EFHC2: variants seen among roughly 807,000 people sequenced by gnomAD.
The protein encoded by EFHC2 is EF-hand domain containing 2, also known as EF-hand domain-containing family member C2.
Under a neutral mutation model 52.7 loss-of-function variants are expected in EFHC2, and 18 were observed. The observed-to-expected ratio is 0.34, with a 90% CI of 0.24 to 0.51. EFHC2 has a LOEUF of 0.51. Among genes scored for constraint, EFHC2 ranks in the 20% least tolerant of loss-of-function variants. EFHC2 has a pLI of 0.97. For synonymous variants in EFHC2, 203 were observed against 204.1 expected, an observed-to-expected ratio of 0.99 and a Z score of 0.04; for missense variants, 513 against 562.5, an observed-to-expected ratio of 0.91 and a Z score of 0.89.
intron 8 of EFHC2, among the ~76,000 whole-genome samples, chrX:44,239,923 T>C (rs1226631992): frequency 8.1e-5 from 9 of 111,599 alleles, no homozygotes; most frequent in Admixed American, 6.6e-4. Flanking sequence ...TCTACCCAGA[T>C]AATAAAGAAG....
intron 2 of EFHC2, among the ~76,000 whole-genome samples, chrX:44,280,030 TACACACAC>T (rs766337222): frequency 7.5e-5 from 5 of 66,834 alleles, no homozygotes; most frequent in Non-Finnish European, 1.1e-4. Context: ...CCATCCCCCA[TACACACAC>T]ACACACACAC....
chrX:44,227,905 A>T lies in EFHC2; in HGVS notation c.1751+1744T>A, dbSNP rs758592463. ...CAGGCAGAGGGAACTTGGTGTGCAT[A>T]GGCTCAGAGACAGGAAAGAGCTTGA... On this transcript the variant is annotated intron_variant, in intron 11 of 14. Transcript: ENST00000420999. Among the ~76,000 whole-genome samples the T allele has an allele frequency of 4.5e-5, 5 of 111,498 alleles. No homozygotes were observed. In the South Asian group the frequency reaches 1.9e-3, roughly 42 times the overall value.
chrX:44,250,280 C>T lies in EFHC2; in HGVS notation c.772G>A (p.Asp258Asn). 2 of 1,210,923 alleles carry T rather than the reference C, an allele frequency of 1.7e-6. No individual in the cohort carries two copies. Among genetic ancestry groups the T allele is most frequent in the South Asian group, 1.8e-5 (1 of 56,856 alleles). Residue 258 changes from aspartate to asparagine, a missense_variant, in exon 5 of 15, where the codon GAT becomes AAT. Physicochemically the swap from Asp to Asn is conservative, Grantham distance 23 (BLOSUM62 1). Coordinates refer to ENST00000420999, the MANE Select transcript of EFHC2 (RefSeq NM_025184.4). ...ELILHYFLCDDTIEIKELLPH... is the reference protein window; with the variant it reads ...ELILHYFLCDNTIEIKELLPH... ...AGCAATTCTTTGATTTCAATAGTAT[C>T]ATCACACAAGAAGTAATGCAGGATG...
chrX:44,339,191 CAA>C (rs58180100), intron 1 of EFHC2, among the ~76,000 whole-genome samples: 2 of 90,353 alleles, frequency 2.2e-5, no homozygotes, highest in Admixed American at 1.2e-4. Context: ...ACTCCATCTC[CAA>C]AAAAAAAAAG....
intron 10 of EFHC2, among the ~76,000 whole-genome samples, chrX:44,230,451 C>T (rs1400921575): frequency 9.0e-6 from 1 of 111,596 alleles, no homozygotes; most frequent in Non-Finnish European, 1.9e-5. Flanking sequence ...AAAGATCCCT[C>T]TCTCCCACCA....
chrX:44,212,414 G>A (rs2037107149), intron 11 of EFHC2, among the ~76,000 whole-genome samples: 1 of 110,854 alleles, frequency 9.0e-6, no homozygotes, highest in African/African-American at 3.3e-5. Flanking sequence ...CCACGAGCCT[G>A]ACCTACTGGG....
chrX:44,215,517 G>A (rs1347554531), intron 11 of EFHC2, among the ~76,000 whole-genome samples: 17 of 94,139 alleles, frequency 1.8e-4, no homozygotes, highest in Non-Finnish European at 3.4e-4. Context: ...TCAAGAGAAA[G>A]CATACTTCCA....
Position 44,243,787 on chromosome X carries a change from G to C in EFHC2, c.1112-1498C>G, listed in dbSNP as rs558977343. Reference sequence around the variant, plus strand: ...GAGCTTCAACTATTGCTATTTTTATGGTGATTTTAAAGAAAAGTCTTGGAA... The same window carrying C: ...GAGCTTCAACTATTGCTATTTTTATCGTGATTTTAAAGAAAAGTCTTGGAA... On this transcript the variant is annotated intron_variant, in intron 7 of 14. Transcript: ENST00000420999. Among the ~76,000 whole-genome samples the C allele has an allele frequency of 1.2e-4, 13 of 106,970 alleles. No individual in the cohort carries two copies. The South Asian group carries it at 4.5e-3, about 37-fold the overall frequency. The allele number at this position is 106,970 out of a possible 115,157, so 92.9% of individuals were successfully genotyped here.
At chrX:44,331,885 C>T (rs969920974) in intron 1 of EFHC2, among the ~76,000 whole-genome samples, 2 of 110,875 alleles carry the variant, frequency 1.8e-5, no homozygotes, top group Non-Finnish European at 3.8e-5. Flanking sequence ...GATCATGCCA[C>T]TGCACTCCAG....
chrX:44,247,639 C>T (rs866287304), intron 7 of EFHC2, among the ~76,000 whole-genome samples: 1 of 111,402 alleles, frequency 9.0e-6, no homozygotes, highest in East Asian at 2.8e-4. Context: ...ACTCATAACA[C>T]GGTGTCACTC....
At chrX:44,178,129 T>TCACACACACACACACACACACACACA (rs201977577) in intron 12 of EFHC2, among the ~76,000 whole-genome samples, 4 of 83,949 alleles carry the variant, frequency 4.8e-5, no homozygotes, top group Non-Finnish European at 6.9e-5. Context: ...AGATGCCATA[T>TCACACACACACACACACACACACACA]CACACACACA....
At chrX:44,235,592 T>C (rs1247983105) in intron 8 of EFHC2, 145 bp from the exon 9 acceptor site, 3 of 546,846 alleles carry the variant, frequency 5.5e-6, no homozygotes, top group African/African-American at 2.4e-5. Context: ...CATCGTCTAA[T>C]TAAGGTTCTA....
chrX:44,216,383 G>A (rs749834909), intron 11 of EFHC2, among the ~76,000 whole-genome samples: 7 of 111,870 alleles, frequency 6.3e-5, no homozygotes, highest in Non-Finnish European at 1.1e-4. Flanking sequence ...TGGTTTCTCC[G>A]TGTAGCCTGG....
intron 1 of EFHC2, among the ~76,000 whole-genome samples, chrX:44,327,048 CAG>C (rs2038057175): frequency 9.0e-6 from 1 of 110,996 alleles, no homozygotes; most frequent in South Asian, 3.8e-4. Flanking sequence ...TTCTGAGAGA[CAG>C]AGTTTTAGTA....
chrX:44,175,699 T>C (rs1569276715), intron 13 of EFHC2, among the ~76,000 whole-genome samples: 1 of 111,391 alleles, frequency 9.0e-6, no homozygotes, highest in Non-Finnish European at 1.9e-5. Context: ...TATCAAGATA[T>C]ATAAGTCAGA....
At chrX:44,335,911 G>T (rs1046488648) in intron 1 of EFHC2, among the ~76,000 whole-genome samples, 1 of 112,264 alleles carries the variant, frequency 8.9e-6, no homozygotes, top group African/African-American at 3.2e-5. Context: ...TATTAAAAAT[G>T]ACTTTCAAAA....
At chrX:44,224,855 A>G (rs758356452) in intron 11 of EFHC2, among the ~76,000 whole-genome samples, 98 of 111,995 alleles carry the variant, frequency 8.8e-4, no homozygotes, top group Non-Finnish European at 1.4e-3. Context: ...ATCAAGGCTC[A>G]GGGAGGTGGC....
intron 2 of EFHC2, among the ~76,000 whole-genome samples, chrX:44,281,184 T>A (rs767186493): frequency 8.9e-6 from 1 of 112,438 alleles, no homozygotes; most frequent in South Asian, 3.7e-4. Flanking sequence ...CCTCCCAAAG[T>A]GCTGGGATTA....
chrX:44,229,379 C>G (rs145827120), intron 11 of EFHC2, among the ~76,000 whole-genome samples: 2 of 111,766 alleles, frequency 1.8e-5, no homozygotes, highest in East Asian at 5.7e-4. Flanking sequence ...TTCTGCTGAT[C>G]CTTCAACCTC....
Sources: gnomAD v4.1 joint callset for allele counts (sites outside exome capture counted in the v4.1 genomes callset) on GRCh38, gnomAD v4.1.1 for gene constraint, MANE v1.5 for transcripts, NCBI Gene and HGNC (gene_info 2026-07-23, HGNC 2026-07-21) for gene names.